The following FAT3 variants were observed in gnomAD, a reference collection of about 807,000 sequenced individuals.
FAT3 encodes the protein protocadherin Fat 3.
FAT3 carries 95 observed loss-of-function variants against 310.2 expected under a neutral mutation model. The ratio of observed to expected loss-of-function variants is 0.31; its 90% CI spans 0.26 to 0.36. FAT3 has a LOEUF of 0.36. FAT3 is among the 10% of genes least tolerant of loss of function. The pLI is 1.00. For missense variants in FAT3, 5,408 were observed against 5,715.6 expected, an observed-to-expected ratio of 0.95 and a Z score of 1.74; for synonymous variants, 2,314 against 2,192.9, an observed-to-expected ratio of 1.06 and a Z score of -1.54.
chr11:92,278,886 A>G (rs1480673154), intron 1 of FAT3, among the ~76,000 whole-genome samples: 1 of 152,140 alleles, frequency 6.6e-6, no homozygotes, highest in East Asian at 1.9e-4. Context: ...GATATGGTCC[A>G]TGCCTGTTGA....
chr11:92,479,464 C>G (rs1952156719), intron 2 of FAT3, among the ~76,000 whole-genome samples: 1 of 152,152 alleles, frequency 6.6e-6, no homozygotes, highest in Admixed American at 6.5e-5. Flanking sequence ...TAAGTATTTA[C>G]TATGTGCCTA....
At chr11:92,282,562 G>T (rs915349888) in intron 1 of FAT3, among the ~76,000 whole-genome samples, 1 of 151,920 alleles carries the variant, frequency 6.6e-6, no homozygotes, top group Non-Finnish European at 1.5e-5. Flanking sequence ...CTACTCGGGA[G>T]GCTGAGGCAG....
intron 2 of FAT3, among the ~76,000 whole-genome samples, chr11:92,418,180 C>A (rs1950456600): frequency 6.6e-6 from 1 of 152,004 alleles, no homozygotes; most frequent in African/African-American, 2.4e-5. Context: ...TTGATTTCCG[C>A]AAATGAAGGA....
chr11:92,734,489 T>C (rs146207327), intron 4 of FAT3, among the ~76,000 whole-genome samples: 49 of 152,302 alleles, frequency 3.2e-4, no homozygotes, highest in African/African-American at 1.2e-3. Context: ...TATAATGGCA[T>C]GTTAACTGAA....
At chr11:92,733,099 AGGGGCAGT>A (rs930804636) in intron 4 of FAT3, among the ~76,000 whole-genome samples, 4 of 152,206 alleles carry the variant, frequency 2.6e-5, no homozygotes, top group African/African-American at 9.6e-5. Flanking sequence ...TAGGGGAGAC[AGGGGCAGT>A]GGTTACACAA....
At chr11:92,727,462 T>G (rs1282362930) in intron 4 of FAT3, among the ~76,000 whole-genome samples, 1 of 151,990 alleles carries the variant, frequency 6.6e-6, no homozygotes, top group East Asian at 1.9e-4. Flanking sequence ...AAACATGGTA[T>G]GAAATGAGAG....
At chr11:92,486,129 G>GTTTTTTTTTTTTTTTTTTTTTT (rs1565353395) in intron 2 of FAT3, among the ~76,000 whole-genome samples, 4 of 27,666 alleles carry the variant, frequency 1.4e-4, no homozygotes, top group African/African-American at 3.4e-4. Context: ...AGGCTGCTGG[G>GTTTTTTTTTTTTTTTTTTTTTT]GTTTTTTTTT....
intron 3 of FAT3, among the ~76,000 whole-genome samples, chr11:92,578,742 G>T (rs1445981163): frequency 6.6e-6 from 1 of 152,104 alleles, no homozygotes; most frequent in Non-Finnish European, 1.5e-5. Context: ...AAAATAAGGG[G>T]TAATAAAACC....
chr11:92,562,839 C>T (rs1186243754), intron 3 of FAT3, among the ~76,000 whole-genome samples: 1 of 152,144 alleles, frequency 6.6e-6, no homozygotes, highest in Non-Finnish European at 1.5e-5. Flanking sequence ...TGGCCCTCAA[C>T]AGATTGGATG....
intron 4 of FAT3, among the ~76,000 whole-genome samples, chr11:92,701,014 C>A (rs991049383): frequency 6.6e-6 from 1 of 152,104 alleles, no homozygotes; most frequent in Non-Finnish European, 1.5e-5. Flanking sequence ...CTGTTATACA[C>A]AAAATTTTGA....
intron 2 of FAT3, among the ~76,000 whole-genome samples, chr11:92,509,712 G>A (rs1478829659): frequency 2.0e-5 from 3 of 152,120 alleles, no homozygotes; most frequent in South Asian, 2.1e-4. Flanking sequence ...ATGTACAATG[G>A]TGAGAATATA....
intron 3 of FAT3, among the ~76,000 whole-genome samples, chr11:92,539,656 T>A (rs1330147737): frequency 6.6e-6 from 1 of 152,172 alleles, no homozygotes; most frequent in East Asian, 1.9e-4. Flanking sequence ...ATTTTTGGAC[T>A]TGTTATTTAA....
intron 2 of FAT3, among the ~76,000 whole-genome samples, chr11:92,501,983 G>A (rs1357947110): frequency 1.3e-5 from 2 of 151,916 alleles, no homozygotes; most frequent in African/African-American, 4.8e-5. Flanking sequence ...GCGTGTGTGT[G>A]TATTTCCACC....
chr11:92,686,859 T>C (rs564188296), intron 3 of FAT3, among the ~76,000 whole-genome samples: 8 of 152,228 alleles, frequency 5.3e-5, no homozygotes, highest in Admixed American at 3.3e-4. Flanking sequence ...CTCCTGATTT[T>C]ATCTGTCAGA....
intron 2 of FAT3, among the ~76,000 whole-genome samples, chr11:92,490,838 C>T (rs1475381767): frequency 6.6e-6 from 1 of 152,068 alleles, no homozygotes; most frequent in Admixed American, 6.6e-5. Context: ...TGCTAGGCAG[C>T]TTGATGTATA....
intron 1 of FAT3, among the ~76,000 whole-genome samples, chr11:92,328,297 A>G (rs995513633): frequency 6.6e-6 from 1 of 152,174 alleles, no homozygotes; most frequent in Non-Finnish European, 1.5e-5. Flanking sequence ...TAGGGTGACA[A>G]ACGATGCTAT....
intron 2 of FAT3, among the ~76,000 whole-genome samples, chr11:92,470,818 A>G (rs547028947): frequency 3.3e-5 from 5 of 152,350 alleles, no homozygotes; most frequent in African/African-American, 1.2e-4. Context: ...TGATAGTCCA[A>G]TTCTTAAAGA....
At chr11:92,396,665 A>G (rs1949876852) in intron 2 of FAT3, among the ~76,000 whole-genome samples, 1 of 152,168 alleles carries the variant, frequency 6.6e-6, no homozygotes, top group Non-Finnish European at 1.5e-5. Flanking sequence ...CGTTCTTAGT[A>G]ACAGAATAAG....
At position 92,766,357 on chromosome 11, in the gene FAT3, G is replaced by A. The variant is rs528096443; in HGVS notation, c.4195+1268G>A. 5.1e-4 allele frequency among the ~76,000 whole-genome samples: 78 copies of A among 152,314 alleles called. No homozygotes were observed. The South Asian group carries it at 0.015, about 30-fold the overall frequency. On this transcript the variant is annotated intron_variant, in intron 6 of 27. Coordinates refer to ENST00000525166, the MANE Select transcript of FAT3 (RefSeq NM_001367949.2). ...TGGGAGGCAGGGGATCCAGGAGAGA[G>A]TCGGTCTGGGGGAATCATTTCCTTC...
Sources: allele counts gnomAD v4.1 joint callset (sites outside exome capture counted in the v4.1 genomes callset), GRCh38; gene constraint gnomAD v4.1.1; transcripts MANE v1.5; gene names NCBI Gene and HGNC (gene_info 2026-07-23, HGNC 2026-07-21).